Variants in RALGAPA1 observed in about 807,000 individuals in gnomAD.
The protein encoded by RALGAPA1 is Ral GTPase activating protein catalytic subunit alpha 1, also known as ral GTPase-activating protein subunit alpha-1.
In RALGAPA1, 52 loss-of-function variants were observed where a neutral mutation model predicts 269.6. The observed-to-expected ratio is 0.19, with a 90% CI of 0.15 to 0.24. The LOEUF (loss-of-function observed/expected upper bound fraction) is 0.24. Ranked by LOEUF, RALGAPA1 falls within the 10% of genes least tolerant of loss-of-function variation. The pLI is 1.00. For synonymous variants in RALGAPA1, 817 were observed against 1,008.3 expected (o/e 0.81, Z 3.60); for missense variants, 1,917 against 3,013.9 (o/e 0.64, Z 8.52).
chr14:35,738,927 G>T (rs1200667248), intron 11 of RALGAPA1, among the ~76,000 whole-genome samples: 1 of 152,030 alleles, frequency 6.6e-6, no homozygotes, highest in Non-Finnish European at 1.5e-5. Flanking sequence ...TAGGTCTAAT[G>T]TATAAACCTC....
chr14:35,765,715 C>A (rs2074087060), intron 4 of RALGAPA1: 1 of 314,892 alleles, frequency 3.2e-6, no homozygotes, highest in Admixed American at 4.5e-5. Flanking sequence ...AGGCTGGTCT[C>A]AAACTCCTGG....
intron 30 of RALGAPA1, among the ~76,000 whole-genome samples, chr14:35,652,558 C>A (rs2062904186): frequency 6.6e-6 from 1 of 152,032 alleles, no homozygotes; most frequent in Non-Finnish European, 1.5e-5. Context: ...GTGTGGGCCA[C>A]CACGCCCAGC....
chr14:35,703,214 G>A (rs2067515492), intron 16 of RALGAPA1, among the ~76,000 whole-genome samples: 2 of 152,206 alleles, frequency 1.3e-5, no homozygotes, highest in Admixed American at 6.5e-5. Flanking sequence ...GCTCACACCT[G>A]TAATCCCAGC....
chr14:35,608,866 C>G (rs2059747185), intron 35 of RALGAPA1, among the ~76,000 whole-genome samples: 1 of 152,290 alleles, frequency 6.6e-6, no homozygotes, highest in Non-Finnish European at 1.5e-5. Flanking sequence ...ACAGAATACT[C>G]TATCCTACAG....
At chr14:35,721,054 C>T (rs2069371735) in intron 16 of RALGAPA1, among the ~76,000 whole-genome samples, 1 of 152,146 alleles carries the variant, frequency 6.6e-6, no homozygotes, top group Non-Finnish European at 1.5e-5. Flanking sequence ...ATAATTCAGC[C>T]AAGTTTATAA....
At chr14:35,756,558 T>C (rs1452814061) in intron 7 of RALGAPA1, 1 of 235,818 alleles carries the variant, frequency 4.2e-6, no homozygotes, top group Non-Finnish European at 8.3e-6. Flanking sequence ...AAAACTTGAG[T>C]TTACATGAGA....
At chr14:35,629,282 G>GTGTGT (rs1555381640) in intron 33 of RALGAPA1, among the ~76,000 whole-genome samples, 248 of 145,384 alleles carry the variant, frequency 1.7e-3, no homozygotes, top group African/African-American at 6.1e-3. Flanking sequence ...ATGTTTAGGG[G>GTGTGT]GTGTGTGTGT....
At chr14:35,785,267 A>T (rs1434492877) in intron 1 of RALGAPA1, among the ~76,000 whole-genome samples, 1 of 152,232 alleles carries the variant, frequency 6.6e-6, no homozygotes, top group Non-Finnish European at 1.5e-5. Context: ...AAATTATAAA[A>T]TGTGTTTAAT....
At chr14:35,565,977 T>C (rs1412641016) in intron 39 of RALGAPA1, among the ~76,000 whole-genome samples, 1 of 152,246 alleles carries the variant, frequency 6.6e-6, no homozygotes, top group East Asian at 1.9e-4. Context: ...ACTCTTTCAA[T>C]AGGTAACTAA....
intron 39 of RALGAPA1, chr14:35,564,290 T>C (rs1449104483): frequency 6.6e-6 from 1 of 152,188 alleles, no homozygotes; most frequent in African/African-American, 2.4e-5. Flanking sequence ...CAAAAGACAG[T>C]AGATACATAA....
At chr14:35,765,638 G>A (rs1222663134) in intron 4 of RALGAPA1, among the ~76,000 whole-genome samples, 1 of 152,080 alleles carries the variant, frequency 6.6e-6, no homozygotes, top group Non-Finnish European at 1.5e-5. Flanking sequence ...GGGAACACAG[G>A]TGCACACTAC....
At chr14:35,552,731 A>T (rs2055145262) in intron 39 of RALGAPA1, among the ~76,000 whole-genome samples, 1 of 152,022 alleles carries the variant, frequency 6.6e-6, no homozygotes, top group African/African-American at 2.4e-5. Context: ...AAAAAAAAAA[A>T]AAAATAACAC....
At chr14:35,668,808 A>AAAAAC (rs763496692) in intron 26 of RALGAPA1, among the ~76,000 whole-genome samples, 47 of 152,316 alleles carry the variant, frequency 3.1e-4, no homozygotes, top group East Asian at 2.3e-3. Flanking sequence ...CTGATATCTC[A>AAAAAC]AAAACAAAAC....
chr14:35,579,694 C>A (rs1461069049), intron 37 of RALGAPA1, among the ~76,000 whole-genome samples: 1 of 151,080 alleles, frequency 6.6e-6, no homozygotes. Context: ...GTAAGATAAA[C>A]TTGCATTGAA....
chr14:35,609,983 G>A (rs562603409), intron 35 of RALGAPA1, among the ~76,000 whole-genome samples: 2 of 145,430 alleles, frequency 1.4e-5, no homozygotes, highest in East Asian at 2.0e-4. Flanking sequence ...GCAAGCAGAA[G>A]AAAGAAAAGA....
At chr14:35,722,641 A>C (rs2069531907) in intron 15 of RALGAPA1, among the ~76,000 whole-genome samples, 1 of 151,742 alleles carries the variant, frequency 6.6e-6, no homozygotes, top group Non-Finnish European at 1.5e-5. Flanking sequence ...AATCCTAACT[A>C]ACTGAGGATT....
rs544047448 is a variant in RALGAPA1 at position 35,688,505 on chromosome 14, C to A, written c.3906G>T (p.Arg1302Ser). 1 of 1,536,108 alleles carries A rather than the reference C, an allele frequency of 6.5e-7. No homozygotes were observed. Among genetic ancestry groups the A allele is most frequent in the Non-Finnish European group, 8.7e-7 (1 of 1,146,884 alleles). The change falls in exon 18 of 42, where the codon AGG becomes AGT. Residue 1302 changes from arginine (R) to serine (S), a missense_variant. Physicochemically the swap from Arg to Ser is moderately radical, Grantham distance 110 (BLOSUM62 -1). Coordinates refer to ENST00000680220, the MANE Select transcript of RALGAPA1 (RefSeq NM_001346249.2). ...QNRMPPEAPL[R>S]DLYSHVMGYF... ...AGCCCATTACATGACTGTACAGATC[C>A]CTCAGTGGAGCCTCTGGTGGCATTC...
intron 39 of RALGAPA1, among the ~76,000 whole-genome samples, chr14:35,562,804 G>T (rs2056377917): frequency 6.6e-6 from 1 of 151,528 alleles, no homozygotes; most frequent in South Asian, 2.1e-4. Context: ...GGCGGATCAC[G>T]AGTTCAGGAG....
intron 14 of RALGAPA1, 123 bp downstream of exon 14, chr14:35,724,901 A>G (rs1275673300): frequency 1.4e-5 from 10 of 739,444 alleles, no homozygotes; most frequent in African/African-American, 1.8e-5. Flanking sequence ...TCTCTAATTT[A>G]AAACTTTTTT....
Sources: allele counts gnomAD v4.1 joint callset (sites outside exome capture counted in the v4.1 genomes callset), GRCh38; gene constraint gnomAD v4.1.1; transcripts MANE v1.5; gene names NCBI Gene and HGNC (gene_info 2026-07-23, HGNC 2026-07-21).